WDR64: variants seen among roughly 807,000 people sequenced by gnomAD.
WDR64 encodes the protein WD repeat-containing protein 64.
A neutral mutation model predicts 139.3 loss-of-function variants in WDR64; 112 were observed. That is an observed-to-expected ratio of 0.80 (90% CI 0.69 to 0.94). The LOEUF is 0.94. Among genes scored for constraint, WDR64 ranks in the 40% least tolerant of loss-of-function variants. The pLI is 0.00. For synonymous variants in WDR64, 444 were observed against 437.7 expected (o/e 1.01, Z -0.18); for missense variants, 1,206 against 1,293.1 (o/e 0.93, Z 1.03).
At chr1:241,694,691 C>A (rs1667419314) in intron 8 of WDR64, among the ~76,000 whole-genome samples, 2 of 152,172 alleles carry the variant, frequency 1.3e-5, no homozygotes, top group African/African-American at 4.8e-5. Context: ...ACATATTCTA[C>A]TTCAACATCC....
intron 8 of WDR64, among the ~76,000 whole-genome samples, chr1:241,697,261 T>C (rs141048999): frequency 0.031 from 4,764 of 152,300 alleles, 117 homozygotes; most frequent in Non-Finnish European, 0.044. Flanking sequence ...TCCTACATGA[T>C]GAAAAACCTG....
chr1:241,746,098 T>C (rs936990193), intron 13 of WDR64, among the ~76,000 whole-genome samples: 11 of 152,150 alleles, frequency 7.2e-5, no homozygotes, highest in African/African-American at 2.7e-4. Context: ...CCTACCACAG[T>C]GCTGGGTATA....
intron 8 of WDR64, among the ~76,000 whole-genome samples, chr1:241,708,134 C>T (rs6683576): frequency 0.056 from 8,521 of 152,024 alleles, 810 homozygotes; most frequent in African/African-American, 0.2. Context: ...CAAAGCAGGG[C>T]GAATATACTC....
At chr1:241,782,510 G>T (rs369289929) in intron 22 of WDR64, among the ~76,000 whole-genome samples, 141 of 152,270 alleles carry the variant, frequency 9.3e-4, no homozygotes, top group African/African-American at 3.3e-3. Flanking sequence ...GTCAGTCCGG[G>T]TTTATCAGTG....
intron 27 of WDR64, among the ~76,000 whole-genome samples, chr1:241,800,519 T>G (rs529874679): frequency 6.6e-6 from 1 of 152,286 alleles, no homozygotes; most frequent in South Asian, 2.1e-4. Flanking sequence ...TGGTGACACA[T>G]GCCTGTGGTC....
In WDR64 at chr1:241,700,920, T is replaced by C. The variant is rs1315578781; in HGVS notation, c.975-10882T>C. Among the ~76,000 whole-genome samples the C allele has an allele frequency of 2.0e-5, 3 of 152,160 alleles. No homozygotes were observed. The East Asian group carries it at 5.8e-4, about 29-fold the overall frequency. ...GATTTCCGTGTGCTGTCAAAATCCATGAAAATAATAAATACCCCAACACCA... is the reference window on the plus strand; with the variant it reads ...GATTTCCGTGTGCTGTCAAAATCCACGAAAATAATAAATACCCCAACACCA... On this transcript the variant is annotated intron_variant, in intron 8 of 27. Transcript: ENST00000437684.
intron 25 of WDR64, 84 bp from the exon 26 acceptor site, chr1:241,795,123 G>A (rs1659325698): frequency 8.4e-7 from 1 of 1,183,666 alleles, no homozygotes; most frequent in East Asian, 2.4e-5. Context: ...TCTAATAAGT[G>A]ACAGAGTCAG....
chr1:241,782,410 A>C (rs1392464408), intron 22 of WDR64, among the ~76,000 whole-genome samples: 1 of 152,254 alleles, frequency 6.6e-6, no homozygotes, highest in Non-Finnish European at 1.5e-5. Flanking sequence ...TTAAAGCCTA[A>C]ATAAATAGAA....
chr1:241,690,680 C>T (rs555156073), intron 8 of WDR64, among the ~76,000 whole-genome samples: 6 of 152,034 alleles, frequency 3.9e-5, no homozygotes, highest in South Asian at 2.1e-4. Context: ...AAAACTTTCT[C>T]GGACAAACAG....
chr1:241,652,637 C>T lies in WDR64; in HGVS notation c.145+8C>T, dbSNP rs908214260. 1 of 1,551,404 alleles carries T rather than the reference C, an allele frequency of 6.4e-7. No homozygotes were observed. Among genetic ancestry groups the T allele is most frequent in the Non-Finnish European group, 8.7e-7 (1 of 1,146,916 alleles). On this transcript the variant is annotated splice_region_variant and intron_variant, in intron 1 of 27. Coordinates refer to ENST00000437684, the MANE Select transcript of WDR64 (RefSeq NM_001367482.1). ...TATTTATCCATAAAGAAGGTAAGAT[C>T]AGTGATTACACGATAGTCCAATTGG...
At position 241,757,304 on chromosome 1, in the gene WDR64, C is replaced by T. The variant is rs904841684; in HGVS notation, c.1792C>T (p.Leu598Phe). Residue 598 changes from leucine to phenylalanine, a missense_variant, in exon 15 of 28, where the codon CTC (leucine) becomes TTC (phenylalanine). Transcript: ENST00000437684. Reference sequence around the variant, plus strand: ...AAAGGGTAAGGAAGATGATATCTACCTCATGGTGATCTGGGAGCTGCCTGA... The same window carrying T: ...AAAGGGTAAGGAAGATGATATCTACTTCATGGTGATCTGGGAGCTGCCTGA... ...MIQGKEDDIY[L>F]MVIWELPDVV... is the part of the protein sequence containing the mutation. 1.9e-5 allele frequency: 30 copies of T among 1,613,508 alleles called. No individual in the cohort carries two copies. Among genetic ancestry groups the T allele is most frequent in the African/African-American group, 2.7e-5 (2 of 74,862 alleles).
chr1:241,655,434 T>C (rs1410824416), intron 1 of WDR64, among the ~76,000 whole-genome samples: 3 of 152,144 alleles, frequency 2.0e-5, no homozygotes, highest in Non-Finnish European at 4.4e-5. Context: ...TAATCATTTC[T>C]CTATACTTCT....
intron 10 of WDR64, among the ~76,000 whole-genome samples, chr1:241,726,607 A>C (rs1353407972): frequency 6.6e-6 from 1 of 152,206 alleles, no homozygotes; most frequent in Non-Finnish European, 1.5e-5. Flanking sequence ...ATTATGCTGT[A>C]TCCTCATATA....
chr1:241,717,727 T>C (rs1668459082), intron 9 of WDR64, among the ~76,000 whole-genome samples: 1 of 152,162 alleles, frequency 6.6e-6, no homozygotes, highest in Non-Finnish European at 1.5e-5. Flanking sequence ...TTTGACATAC[T>C]CTTTACAAAT....
At chr1:241,762,392 C>T (rs950027221) in intron 15 of WDR64, among the ~76,000 whole-genome samples, 1 of 152,014 alleles carries the variant, frequency 6.6e-6, no homozygotes, top group African/African-American at 2.4e-5. Context: ...TTGTGATATG[C>T]TTACACCTCC....
chr1:241,671,731 ACTCTTAACAC>A (rs1254038796), intron 3 of WDR64, among the ~76,000 whole-genome samples: 1 of 151,678 alleles, frequency 6.6e-6, no homozygotes, highest in African/African-American at 2.4e-5. Flanking sequence ...ATCCCTCTCC[ACTCTTAACAC>A]CTTGGGGTTT....
At chr1:241,696,140 A>AAAAAAAAAAAAAAAAAAAC (rs1391307114) in intron 8 of WDR64, among the ~76,000 whole-genome samples, 2 of 149,648 alleles carry the variant, frequency 1.3e-5, no homozygotes, top group African/African-American at 4.9e-5. Flanking sequence ...AAAAAAAAAA[A>AAAAAAAAAAAAAAAAAAAC]AGCATTAGTC....
At position 241,652,635 on chromosome 1, in the gene WDR64, A is replaced by T; in HGVS notation, c.145+6A>T. ...CTTATTTATCCATAAAGAAGGTAAG[A>T]TCAGTGATTACACGATAGTCCAATT... On this transcript the variant is annotated splice_donor_region_variant and intron_variant, in intron 1 of 27. Coordinates refer to ENST00000437684, the MANE Select transcript of WDR64 (RefSeq NM_001367482.1). 1 of 1,551,568 alleles carries T rather than the reference A, an allele frequency of 6.4e-7. No individual in the cohort carries two copies. Among genetic ancestry groups the T allele is most frequent in the South Asian group, 1.2e-5 (1 of 84,028 alleles).
At chr1:241,740,162 T>G (rs372532626) in intron 11 of WDR64, among the ~76,000 whole-genome samples, 4 of 152,332 alleles carry the variant, frequency 2.6e-5, no homozygotes, top group Non-Finnish European at 5.9e-5. Context: ...AGATTCAATA[T>G]CAGAGCTTCT....
Sources: gnomAD v4.1 joint callset for allele counts (sites outside exome capture counted in the v4.1 genomes callset) on GRCh38, gnomAD v4.1.1 for gene constraint, MANE v1.5 for transcripts, NCBI Gene and HGNC (gene_info 2026-07-23, HGNC 2026-07-21) for gene names.